GALNT13: variants seen among roughly 807,000 people sequenced by gnomAD.
The protein encoded by GALNT13 is UDP-GalNAc:polypeptide N-acetylgalactosaminyltransferase 13.
Under a neutral mutation model 64.2 loss-of-function variants are expected in GALNT13, and 28 were observed. The observed-to-expected ratio is 0.44, with a 90% CI of 0.32 to 0.60. The LOEUF (loss-of-function observed/expected upper bound fraction) is 0.60, where lower values mean the gene tolerates loss of function less well. GALNT13 is among the 20% of genes least tolerant of loss of function. The pLI, the probability that GALNT13 is intolerant of heterozygous loss-of-function variation, is 0.05. For synonymous variants in GALNT13, 214 were observed against 224.6 expected (o/e 0.95, Z 0.42); for missense variants, 577 against 669.8 (o/e 0.86, Z 1.53).
the GALNT13 span, among the ~76,000 whole-genome samples, chr2:153,076,265 C>T: frequency 1.8e-3 from 271 of 152,198 alleles, 2 homozygotes; most frequent in African/African-American, 5.4e-3. Context: ...GCCTTGCCAA[C>T]GGTATATGCG....
intron 4 of GALNT13, among the ~76,000 whole-genome samples, chr2:154,149,717 G>T (rs1683860111): frequency 6.6e-6 from 1 of 152,062 alleles, no homozygotes; most frequent in East Asian, 1.9e-4. Context: ...CTCATGATTT[G>T]GCTCTCTGTT....
the GALNT13 span, among the ~76,000 whole-genome samples, chr2:153,787,889 A>T: frequency 1.3e-5 from 2 of 152,208 alleles, no homozygotes. Flanking sequence ...CAACAAAAAT[A>T]AAAAAGAACA....
At chr2:153,672,526 C>T in the GALNT13 span, among the ~76,000 whole-genome samples, 2 of 152,036 alleles carry the variant, frequency 1.3e-5, no homozygotes, top group Admixed American at 6.6e-5. Context: ...CACAACATAC[C>T]AGAATCTCTG....
the GALNT13 span, among the ~76,000 whole-genome samples, chr2:153,590,565 A>G: frequency 7.2e-5 from 11 of 152,140 alleles, no homozygotes; most frequent in Non-Finnish European, 1.5e-5. Context: ...TGATGAACCT[A>G]TATGCAAACA....
At chr2:153,490,260 T>C in the GALNT13 span, among the ~76,000 whole-genome samples, 1 of 152,256 alleles carries the variant, frequency 6.6e-6, no homozygotes, top group African/African-American at 2.4e-5. Context: ...TTAAAAACTT[T>C]AATGTTTTGG....
the GALNT13 span, among the ~76,000 whole-genome samples, chr2:153,353,918 TGG>T: frequency 1.3e-5 from 2 of 152,170 alleles, no homozygotes; most frequent in Non-Finnish European, 2.9e-5. Flanking sequence ...CCTGACAGAA[TGG>T]GTTATAGAGT....
chr2:154,063,377 T>C (rs183772995), intron 3 of GALNT13, among the ~76,000 whole-genome samples: 2 of 152,312 alleles, frequency 1.3e-5, no homozygotes, highest in East Asian at 3.9e-4. Context: ...ACTGTCCTCA[T>C]GTTTTTCATG....
At chr2:154,259,217 G>A in intron 8 of GALNT13, 79 bp downstream of exon 8, 1 of 792,572 alleles carries the variant, frequency 1.3e-6, no homozygotes, top group South Asian at 1.6e-5. Flanking sequence ...GTAATTTACT[G>A]TCAAATCATT....
At chr2:154,074,637 C>A (rs1037729678) in intron 3 of GALNT13, among the ~76,000 whole-genome samples, 1 of 151,744 alleles carries the variant, frequency 6.6e-6, no homozygotes, top group African/African-American at 2.4e-5. Flanking sequence ...ACAACAAAAA[C>A]AGAAAACTTC....
the GALNT13 span, among the ~76,000 whole-genome samples, chr2:153,691,497 C>CT: frequency 9.7e-4 from 148 of 152,018 alleles, no homozygotes; most frequent in Middle Eastern, 3.4e-3. Flanking sequence ...TATTTTGATC[C>CT]TTTTTTTCTA....
intron 4 of GALNT13, among the ~76,000 whole-genome samples, chr2:154,153,534 G>A (rs1243150794): frequency 6.6e-6 from 1 of 152,222 alleles, no homozygotes; most frequent in Non-Finnish European, 1.5e-5. Context: ...GCCCCCAGAG[G>A]TGGAGCCTAC....
intron 3 of GALNT13, among the ~76,000 whole-genome samples, chr2:154,031,697 A>C (rs1433690524): frequency 6.6e-6 from 1 of 151,910 alleles, no homozygotes; most frequent in Non-Finnish European, 1.5e-5. Flanking sequence ...CCAAGAAGAC[A>C]CCTTCAGTCC....
the GALNT13 span, among the ~76,000 whole-genome samples, chr2:153,071,632 C>G: frequency 6.6e-6 from 1 of 152,186 alleles, no homozygotes; most frequent in African/African-American, 2.4e-5. Flanking sequence ...GTTTTACTGA[C>G]CGACAGAAAT....
chr2:153,141,906 A>G, the GALNT13 span, among the ~76,000 whole-genome samples: 7 of 152,200 alleles, frequency 4.6e-5, no homozygotes, highest in Non-Finnish European at 7.4e-5. Flanking sequence ...ATTGTGGTAC[A>G]TGCTTAGTAA....
intron 4 of GALNT13, among the ~76,000 whole-genome samples, chr2:154,205,774 G>A (rs1447215079): frequency 6.6e-6 from 1 of 151,982 alleles, no homozygotes; most frequent in South Asian, 2.1e-4. Context: ...CATGAGAACA[G>A]CACAGTAAAG....
chr2:154,155,621 T>A (rs900771127), intron 4 of GALNT13, among the ~76,000 whole-genome samples: 1 of 151,986 alleles, frequency 6.6e-6, no homozygotes, highest in East Asian at 1.9e-4. Flanking sequence ...AGACATAGTT[T>A]TGTTGACATG....
At chr2:153,909,797 T>G (rs1688819598) in intron 2 of GALNT13, among the ~76,000 whole-genome samples, 1 of 152,126 alleles carries the variant, frequency 6.6e-6, no homozygotes, top group Non-Finnish European at 1.5e-5. Context: ...CATGGTGGAT[T>G]AGCTTTTTGA....
intron 9 of GALNT13, among the ~76,000 whole-genome samples, chr2:154,367,645 T>C (rs1311931392): frequency 6.6e-6 from 1 of 152,204 alleles, no homozygotes; most frequent in Non-Finnish European, 1.5e-5. Flanking sequence ...TCACGGTTCC[T>C]ATTGCAAACA....
At chr2:153,951,304 C>G (rs1321042316) in intron 3 of GALNT13, among the ~76,000 whole-genome samples, 1 of 152,040 alleles carries the variant, frequency 6.6e-6, no homozygotes, top group East Asian at 1.9e-4. Flanking sequence ...TCAAAGCAAA[C>G]AGGATAAGAG....
Sources: gnomAD v4.1 joint callset for allele counts (sites outside exome capture counted in the v4.1 genomes callset) on GRCh38, gnomAD v4.1.1 for gene constraint, MANE v1.5 for transcripts, NCBI Gene and HGNC (gene_info 2026-07-23, HGNC 2026-07-21) for gene names.